Variants in ROBO1 observed in about 807,000 individuals in gnomAD.
ROBO1 encodes roundabout guidance receptor 1, also known as roundabout homolog 1.
In ROBO1, 149 loss-of-function variants were observed where a neutral mutation model predicts 195.9. The observed-to-expected ratio is 0.76, with a 90% CI of 0.67 to 0.87. The LOEUF (loss-of-function observed/expected upper bound fraction) is 0.87. Ranked by LOEUF, ROBO1 falls within the 40% of genes least tolerant of loss-of-function variation. The pLI, the probability that ROBO1 is intolerant of heterozygous loss-of-function variation, is 0.00. For synonymous variants in ROBO1, 816 were observed against 733.2 expected, an observed-to-expected ratio of 1.11 and a Z score of -1.82; for missense variants, 1,933 against 2,068.3, an observed-to-expected ratio of 0.93 and a Z score of 1.27.
At chr3:79,404,573 ATG>A in intron 2 of ROBO1, among the ~76,000 whole-genome samples, 1 of 152,116 alleles carries the variant, frequency 6.6e-6, no homozygotes, top group Non-Finnish European at 1.5e-5. Context: ...AGTTGCTTTT[ATG>A]TGTTAAGAGC....
chr3:79,690,548 G>T (rs974553040), intron 1 of ROBO1, among the ~76,000 whole-genome samples: 20 of 151,972 alleles, frequency 1.3e-4, no homozygotes, highest in African/African-American at 4.3e-4. Flanking sequence ...CAGTGAAATT[G>T]TGTTAGATGT....
At chr3:78,930,109 C>G (rs536026247) in intron 4 of ROBO1, among the ~76,000 whole-genome samples, 1 of 152,130 alleles carries the variant, frequency 6.6e-6, no homozygotes, top group South Asian at 2.1e-4. Context: ...AAATCCTGTG[C>G]TCTCAAAGTA....
At chr3:79,585,616 T>C (rs1943803195) in intron 2 of ROBO1, among the ~76,000 whole-genome samples, 1 of 152,032 alleles carries the variant, frequency 6.6e-6, no homozygotes, top group East Asian at 1.9e-4. Context: ...CATGGAAATC[T>C]GTCCTCAGAG....
chr3:79,536,897 T>C (rs903998657), intron 2 of ROBO1, among the ~76,000 whole-genome samples: 5 of 152,180 alleles, frequency 3.3e-5, no homozygotes, highest in African/African-American at 1.2e-4. Flanking sequence ...CAATGTGTAG[T>C]AAAGAAGACT....
chr3:78,945,890 A>G (rs13325291), intron 3 of ROBO1, among the ~76,000 whole-genome samples: 16,175 of 152,146 alleles, frequency 0.11, 2,106 homozygotes, highest in African/African-American at 0.32. Flanking sequence ...CTCCGTAGAC[A>G]ATGCAATCAA....
At chr3:79,637,674 T>C (rs1022194060) in intron 1 of ROBO1, among the ~76,000 whole-genome samples, 26 of 152,128 alleles carry the variant, frequency 1.7e-4, no homozygotes, top group African/African-American at 6.0e-4. Context: ...ATATAAGATA[T>C]ATATAAAGAG....
At chr3:78,923,463 T>C (rs939498528) in intron 4 of ROBO1, among the ~76,000 whole-genome samples, 17 of 152,140 alleles carry the variant, frequency 1.1e-4, no homozygotes, top group Non-Finnish European at 2.1e-4. Context: ...CATAGAATTG[T>C]AGATTGCCAC....
At chr3:78,913,995 ATG>A (rs1400353878) in intron 4 of ROBO1, among the ~76,000 whole-genome samples, 1 of 152,190 alleles carries the variant, frequency 6.6e-6, no homozygotes, top group Non-Finnish European at 1.5e-5. Flanking sequence ...TAATCAAAGT[ATG>A]AGGACAAGGG....
intron 5 of ROBO1, among the ~76,000 whole-genome samples, chr3:78,719,480 C>T (rs986205555): frequency 2.2e-5 from 3 of 137,862 alleles, no homozygotes; most frequent in Non-Finnish European, 3.1e-5. Flanking sequence ...CACATACACA[C>T]ATGCATATAT....
chr3:79,678,525 TAGG>T (rs1946850776), intron 1 of ROBO1, among the ~76,000 whole-genome samples: 1 of 152,020 alleles, frequency 6.6e-6, no homozygotes, highest in African/African-American at 2.4e-5. Context: ...TAAAGAATAC[TAGG>T]AGTACTTATT....
chr3:79,034,576 T>C (rs1484621747), intron 3 of ROBO1, among the ~76,000 whole-genome samples: 1 of 151,970 alleles, frequency 6.6e-6, no homozygotes, highest in Non-Finnish European at 1.5e-5. Context: ...TAAAACAACG[T>C]GGGAATAAAG....
chr3:79,118,236 T>G (rs1021061274), intron 3 of ROBO1, among the ~76,000 whole-genome samples: 5 of 128,950 alleles, frequency 3.9e-5, no homozygotes, highest in East Asian at 4.0e-4. Flanking sequence ...ATTGTGTGGG[T>G]TTTTTTTTTT....
rs1427722196 is a variant in ROBO1 at position 79,354,189 on chromosome 3, G to T, written c.89-228650C>A. Among the ~76,000 whole-genome samples the T allele has an allele frequency of 4.6e-5, 7 of 152,228 alleles. No individual in the cohort carries two copies. The South Asian group carries it at 1.5e-3, about 32-fold the overall frequency. ...CAACTGGCCAGTTTATTGAGGACTTGCCAAGTACCAAGAACTCTTTTAAAC... is the reference window on the plus strand; with the variant it reads ...CAACTGGCCAGTTTATTGAGGACTTTCCAAGTACCAAGAACTCTTTTAAAC... On this transcript the variant is annotated intron_variant, in intron 2 of 30. Coordinates refer to ENST00000464233, the MANE Select transcript of ROBO1 (RefSeq NM_002941.4).
intron 5 of ROBO1, among the ~76,000 whole-genome samples, chr3:78,718,537 T>A (rs2081958267): frequency 1.3e-5 from 2 of 152,060 alleles, no homozygotes; most frequent in African/African-American, 4.8e-5. Flanking sequence ...CTCTTGAACA[T>A]ATAATTAATT....
intron 1 of ROBO1, among the ~76,000 whole-genome samples, chr3:79,619,651 T>A (rs1944941408): frequency 6.6e-6 from 1 of 152,150 alleles, no homozygotes; most frequent in Non-Finnish European, 1.5e-5. Context: ...TCAGGGTACA[T>A]GTGCCTTTTT....
chr3:79,436,448 G>C (rs1281320124), intron 2 of ROBO1, among the ~76,000 whole-genome samples: 1 of 151,906 alleles, frequency 6.6e-6, no homozygotes, highest in East Asian at 1.9e-4. Context: ...ACCGCAGATA[G>C]TTTTAGTGTC....
chr3:79,314,512 T>C (rs532801626), intron 2 of ROBO1, among the ~76,000 whole-genome samples: 2 of 152,342 alleles, frequency 1.3e-5, no homozygotes, highest in African/African-American at 4.8e-5. Context: ...TCTGCCATGA[T>C]TATGTTTCCT....
intron 1 of ROBO1, among the ~76,000 whole-genome samples, chr3:79,603,896 G>C (rs963561071): frequency 1.3e-5 from 2 of 151,962 alleles, no homozygotes; most frequent in African/African-American, 4.8e-5. Context: ...AGTAAAAAGA[G>C]AAAGTAACAT....
intron 2 of ROBO1, among the ~76,000 whole-genome samples, chr3:79,381,531 T>A (rs941130703): frequency 5.9e-5 from 9 of 152,100 alleles, no homozygotes; most frequent in Admixed American, 5.2e-4. Context: ...TGTTTTTCCA[T>A]CCCTGTAAAC....
Sources: allele counts gnomAD v4.1 joint callset (sites outside exome capture counted in the v4.1 genomes callset), GRCh38; gene constraint gnomAD v4.1.1; transcripts MANE v1.5; gene names NCBI Gene and HGNC (gene_info 2026-07-23, HGNC 2026-07-21).